Variants in HS2ST1 observed in about 807,000 individuals in gnomAD.
HS2ST1 encodes heparan sulfate 2-O-sulfotransferase 1.
A neutral mutation model predicts 42.9 loss-of-function variants in HS2ST1; 18 were observed. That is an observed-to-expected ratio of 0.42 (90% CI 0.29 to 0.62). HS2ST1 has a LOEUF of 0.62. HS2ST1 is among the 20% of genes least tolerant of loss of function. The probability of loss-of-function intolerance (pLI) is 0.21; values close to 1 mark genes in which losing one functional copy is unlikely to be tolerated. For missense variants in HS2ST1, 334 were observed against 433.8 expected, an observed-to-expected ratio of 0.77 and a Z score of 2.04; for synonymous variants, 146 against 152.9, an observed-to-expected ratio of 0.95 and a Z score of 0.33.
chr1:86,992,359 T>A (rs1000697104), intron 1 of HS2ST1, among the ~76,000 whole-genome samples: 1 of 148,760 alleles, frequency 6.7e-6, no homozygotes, highest in Non-Finnish European at 1.5e-5. Flanking sequence ...TAATTTTCTC[T>A]TTCTTTTTTT....
rs553702947 is a variant in HS2ST1 at position 87,047,958 on chromosome 1, A to G, written c.125-24976A>G. On this transcript the variant is annotated intron_variant, in intron 1 of 6. Transcript: ENST00000370550. ...TTTACATTTCCATATTAGTTGGTCA[A>G]TTCATACCAAAAAGTGTCCTGGGAT... Among the ~76,000 whole-genome samples the G allele has an allele frequency of 5.1e-4, 77 of 152,274 alleles. 1 individual carries two copies. The highest frequency in any genetic ancestry group is 1.7e-3 in the African/African-American group (72 of 41,568).
Position 87,093,777 on chromosome 1 carries a change from A to G in HS2ST1, c.588+1108A>G, listed in dbSNP as rs183443482. On this transcript the variant is annotated intron_variant, in intron 4 of 6. Coordinates refer to ENST00000370550, the MANE Select transcript of HS2ST1 (RefSeq NM_012262.4). The stretch of plus-strand genomic sequence containing the variant: ...GTGATGCCAGATACTTGGTATGTTA[A>G]TGATAATTAACATCCAACAGTATTT... Among the ~76,000 whole-genome samples, 22 of 152,226 alleles carry G rather than the reference A, an allele frequency of 1.4e-4. No individual in the cohort carries two copies. The East Asian group carries it at 3.9e-3, about 27-fold the overall frequency.
chr1:86,941,849 C>G (rs1403005067), intron 1 of HS2ST1, among the ~76,000 whole-genome samples: 1 of 152,184 alleles, frequency 6.6e-6, no homozygotes, highest in Non-Finnish European at 1.5e-5. Flanking sequence ...TTCCTCTGTT[C>G]TGCTCACAGG....
intron 1 of HS2ST1, among the ~76,000 whole-genome samples, chr1:86,950,973 T>C (rs1647496441): frequency 6.6e-6 from 1 of 152,066 alleles, no homozygotes; most frequent in South Asian, 2.1e-4. Context: ...TCCAGAGAAA[T>C]TGATGTGGAG....
At chr1:86,997,158 C>T (rs1041998966) in intron 1 of HS2ST1, among the ~76,000 whole-genome samples, 2 of 152,112 alleles carry the variant, frequency 1.3e-5, no homozygotes, top group African/African-American at 2.4e-5. Context: ...TTTTACATGG[C>T]TAAGGAGCCC....
intron 1 of HS2ST1, among the ~76,000 whole-genome samples, chr1:87,047,788 A>C (rs1650723945): frequency 6.6e-6 from 1 of 152,144 alleles, no homozygotes; most frequent in Non-Finnish European, 1.5e-5. Context: ...TGGATTCACT[A>C]TTCTGTTCCA....
intron 1 of HS2ST1, among the ~76,000 whole-genome samples, chr1:86,990,349 T>C (rs1490974757): frequency 6.6e-6 from 1 of 152,202 alleles, no homozygotes; most frequent in African/African-American, 2.4e-5. Context: ...TGTGTAAATG[T>C]AGATGTAGCT....
intron 1 of HS2ST1, among the ~76,000 whole-genome samples, chr1:86,930,696 TGA>T (rs1557483491): frequency 6.6e-6 from 1 of 152,004 alleles, no homozygotes. Flanking sequence ...CCTCCCACCC[TGA>T]GTTACCAGTT....
chr1:86,920,079 T>C (rs1358150235), intron 1 of HS2ST1, among the ~76,000 whole-genome samples: 3 of 152,264 alleles, frequency 2.0e-5, no homozygotes, highest in South Asian at 4.1e-4. Context: ...ACATAAGTGA[T>C]AGAACTATGT....
chr1:87,090,637 AAT>A (rs1381662140), intron 3 of HS2ST1, among the ~76,000 whole-genome samples: 1 of 152,018 alleles, frequency 6.6e-6, no homozygotes, highest in Non-Finnish European at 1.5e-5. Context: ...ATGACCTTTT[AAT>A]ATGAGTTGTG....
intron 1 of HS2ST1, among the ~76,000 whole-genome samples, chr1:86,947,851 T>C (rs1647385244): frequency 6.6e-6 from 1 of 152,112 alleles, no homozygotes; most frequent in African/African-American, 2.4e-5. Flanking sequence ...AAATAGTATG[T>C]GCAAAGGGTT....
At chr1:86,978,037 G>C (rs891068808) in intron 1 of HS2ST1, among the ~76,000 whole-genome samples, 2 of 152,140 alleles carry the variant, frequency 1.3e-5, no homozygotes, top group Non-Finnish European at 2.9e-5. Flanking sequence ...TGCAACACAT[G>C]ATCTTTTCTA....
At chr1:86,943,328 A>G in intron 1 of HS2ST1, among the ~76,000 whole-genome samples, 1 of 152,228 alleles carries the variant, frequency 6.6e-6, no homozygotes, top group Admixed American at 6.5e-5. Flanking sequence ...AGAAGAAATT[A>G]TTGTTATATC....
chr1:86,956,103 T>C (rs944922649), intron 1 of HS2ST1, among the ~76,000 whole-genome samples: 1 of 152,338 alleles, frequency 6.6e-6, no homozygotes, highest in East Asian at 1.9e-4. Context: ...AGTGAATATA[T>C]GCACACATGT....
intron 1 of HS2ST1, among the ~76,000 whole-genome samples, chr1:86,998,968 C>T (rs2100567278): frequency 6.6e-6 from 1 of 152,204 alleles, no homozygotes; most frequent in South Asian, 2.1e-4. Flanking sequence ...GATTCATATA[C>T]ACATTTAAGT....
chr1:87,109,693 A>T lies in HS2ST1; in HGVS notation c.*4997A>T, dbSNP rs912221556. The T allele has an allele frequency of 6.6e-6, 1 of 152,102 alleles. No homozygotes were observed. The highest frequency in any genetic ancestry group is 2.4e-5 in the African/African-American group (1 of 41,438). The allele number at this position is 152,102 out of a possible 1,614,324, so 9.4% of individuals were successfully genotyped here. A position where few individuals can be genotyped will look rare whatever the true frequency, so the allele number is the denominator to read the frequency against. On this transcript the variant is annotated 3_prime_UTR_variant, in exon 7 of 7. Coordinates refer to ENST00000370550, the MANE Select transcript of HS2ST1 (RefSeq NM_012262.4). The stretch of plus-strand genomic sequence containing the variant: ...TATGATATTGGGTTGATAAAATACC[A>T]GTTCAATGATGAGTTTTCTTAACAG...
chr1:87,015,604 A>G (rs1268628967), intron 1 of HS2ST1, among the ~76,000 whole-genome samples: 1 of 151,984 alleles, frequency 6.6e-6, no homozygotes, highest in Non-Finnish European at 1.5e-5. Context: ...TCAGCCTCCC[A>G]AAGTGCTGGG....
intron 2 of HS2ST1, among the ~76,000 whole-genome samples, chr1:87,077,637 T>C (rs1651579036): frequency 6.6e-6 from 1 of 152,246 alleles, no homozygotes; most frequent in African/African-American, 2.4e-5. Flanking sequence ...TCCTCTATTA[T>C]AAGATCTTTA....
chr1:87,017,263 A>G lies in HS2ST1; in HGVS notation c.125-55671A>G, dbSNP rs1390380759. Among the ~76,000 whole-genome samples the G allele has an allele frequency of 2.6e-5, 4 of 152,022 alleles. No individual in the cohort carries two copies. In the East Asian group the frequency reaches 7.7e-4, roughly 29 times the overall value. On this transcript the variant is annotated intron_variant, in intron 1 of 6. Transcript: ENST00000370550. ...GCGATTCTCCTGTCTCAACCTCCCG[A>G]GTAGCTGGGACTACAGGGATTCACC... is the stretch of plus-strand genomic sequence containing the variant.
Sources: allele counts gnomAD v4.1 joint callset (sites outside exome capture counted in the v4.1 genomes callset), GRCh38; gene constraint gnomAD v4.1.1; transcripts MANE v1.5; gene names NCBI Gene and HGNC (gene_info 2026-07-23, HGNC 2026-07-21).